PPP1R36: variants seen among roughly 807,000 people sequenced by gnomAD.
PPP1R36 encodes the protein protein phosphatase 1 regulatory subunit 36.
In PPP1R36, 47 loss-of-function variants were observed where a neutral mutation model predicts 53.4. That is an observed-to-expected ratio of 0.88 (90% CI 0.70 to 1.12). The LOEUF (loss-of-function observed/expected upper bound fraction) is 1.12, where lower values mean the gene tolerates loss of function less well. Ranked by LOEUF, PPP1R36 falls within the 50% of genes most tolerant of loss-of-function variation. The pLI, the probability that PPP1R36 is intolerant of heterozygous loss-of-function variation, is 0.00. For missense variants in PPP1R36, 456 were observed against 513.9 expected, an observed-to-expected ratio of 0.89 and a Z score of 1.09; for synonymous variants, 153 against 170.5, an observed-to-expected ratio of 0.90 and a Z score of 0.80.
intron 3 of PPP1R36, among the ~76,000 whole-genome samples, chr14:64,553,249 C>G (rs2080111919): frequency 6.6e-6 from 1 of 152,208 alleles, no homozygotes; most frequent in African/African-American, 2.4e-5. Context: ...GCCACCGCAT[C>G]TGGCTGACAG....
chr14:64,588,395 C>T (rs996090021), intron 11 of PPP1R36, 100 bp downstream of exon 11: 17 of 1,067,966 alleles, frequency 1.6e-5, no homozygotes, highest in African/African-American at 8.0e-5. Context: ...GCCAGGGAAT[C>T]GAGCCATGAT....
chr14:64,567,365 T>A (rs183013937), intron 6 of PPP1R36, among the ~76,000 whole-genome samples: 2,314 of 152,282 alleles, frequency 0.015, 29 homozygotes, highest in South Asian at 0.05. Flanking sequence ...ATAATATTTT[T>A]AAAAAAACCA....
intron 7 of PPP1R36, among the ~76,000 whole-genome samples, chr14:64,574,218 TA>T (rs2080325297): frequency 6.6e-6 from 1 of 151,414 alleles, no homozygotes; most frequent in South Asian, 2.1e-4. Flanking sequence ...CTACACAAAA[TA>T]AAAAAAGATT....
intron 1 of PPP1R36, 33 bp from the exon 2 acceptor site, chr14:64,550,888 A>G (rs767822313): frequency 9.8e-6 from 15 of 1,537,338 alleles, no homozygotes; most frequent in Non-Finnish European, 1.3e-5. Flanking sequence ...TTGAGCTTTT[A>G]ATTATTTTTG....
chr14:64,561,603 A>C (rs1169196277), intron 3 of PPP1R36, among the ~76,000 whole-genome samples: 6 of 152,204 alleles, frequency 3.9e-5, no homozygotes. Context: ...TTAATCTATA[A>C]AATGAAATAA....
intron 9 of PPP1R36, 41 bp downstream of exon 9, chr14:64,586,920 T>C (rs771262077): frequency 6.6e-7 from 1 of 1,519,604 alleles, no homozygotes. Flanking sequence ...TATGAAACAA[T>C]ATATACCAAC....
intron 8 of PPP1R36, among the ~76,000 whole-genome samples, chr14:64,577,718 CTTTT>C (rs10667127): frequency 1.1e-5 from 1 of 94,446 alleles, no homozygotes; most frequent in Non-Finnish European, 1.9e-5. Context: ...GCCATGATTA[CTTTT>C]TTTTTTTTTT....
intron 8 of PPP1R36, chr14:64,586,563 A>C: frequency 3.3e-6 from 1 of 300,760 alleles, no homozygotes; most frequent in Admixed American, 5.0e-5. Context: ...AATTACCAGA[A>C]GCCTTTGGAA....
chr14:64,587,650 C>T (rs367880736), intron 10 of PPP1R36, among the ~76,000 whole-genome samples: 254 of 151,742 alleles, frequency 1.7e-3, no homozygotes, highest in African/African-American at 5.6e-3. Context: ...TTAGTAGAGA[C>T]GGAGTTTCAC....
At chr14:64,585,784 C>T (rs2080427846) in intron 8 of PPP1R36, among the ~76,000 whole-genome samples, 1 of 152,190 alleles carries the variant, frequency 6.6e-6, no homozygotes, top group Admixed American at 6.5e-5. Context: ...CTGGCCTTGG[C>T]CGCTGTGACT....
chr14:64,570,660 A>T (rs1365365970), intron 7 of PPP1R36, among the ~76,000 whole-genome samples: 1 of 152,216 alleles, frequency 6.6e-6, no homozygotes, highest in Non-Finnish European at 1.5e-5. Context: ...GAGCATAGGG[A>T]TAGTAATAGC....
In PPP1R36 at chr14:64,564,755, ACACCTG is replaced by A. The variant is rs1831571079; in HGVS notation, c.190_195del (p.Pro64_Ala65del). The A allele has an allele frequency of 1.2e-6, 2 of 1,607,586 alleles. No individual in the cohort carries two copies. Among genetic ancestry groups the A allele is most frequent in the Non-Finnish European group, 8.5e-7 (1 of 1,177,612 alleles). ...ATTATCTCATTTTTATTGCAGTTTT[ACACCTG>A]CAGCAGAAGTCAAGGAAAAAGGAAA... On this transcript the variant is annotated inframe_deletion, in exon 4 of 12. Coordinates refer to ENST00000298705, the MANE Select transcript of PPP1R36 (RefSeq NM_172365.3).
chr14:64,552,651 A>AT, intron 2 of PPP1R36, 163 bp from the exon 3 acceptor site: 1 of 591,902 alleles, frequency 1.7e-6, no homozygotes, highest in Admixed American at 2.8e-5. Context: ...TTATAGTTAC[A>AT]TTATAAATAT....
At chr14:64,556,713 G>T (rs115730561) in intron 3 of PPP1R36, among the ~76,000 whole-genome samples, 1 of 148,948 alleles carries the variant, frequency 6.7e-6, no homozygotes, top group Admixed American at 6.8e-5. Context: ...TCATGATTGC[G>T]CCACTGTGCT....
intron 8 of PPP1R36, among the ~76,000 whole-genome samples, chr14:64,578,473 G>A (rs2080360771): frequency 6.6e-6 from 1 of 152,140 alleles, no homozygotes; most frequent in African/African-American, 2.4e-5. Flanking sequence ...TATTGTTTTA[G>A]GAGACTTGTT....
At chr14:64,583,508 T>C (rs2080405804) in intron 8 of PPP1R36, among the ~76,000 whole-genome samples, 1 of 152,024 alleles carries the variant, frequency 6.6e-6, no homozygotes, top group Non-Finnish European at 1.5e-5. Context: ...TCAGTTTGCT[T>C]TGGGCATTAA....
At chr14:64,566,200 G>A (rs1268498454) in intron 6 of PPP1R36, among the ~76,000 whole-genome samples, 3 of 152,150 alleles carry the variant, frequency 2.0e-5, no homozygotes, top group Admixed American at 6.5e-5. Flanking sequence ...CCTGGGTGGC[G>A]GAGGTTGCAG....
chr14:64,553,480 G>A (rs1393590596), intron 3 of PPP1R36, among the ~76,000 whole-genome samples: 3 of 152,076 alleles, frequency 2.0e-5, no homozygotes, highest in African/African-American at 4.8e-5. Flanking sequence ...GAATAGCTAC[G>A]TGATGGTATG....
intron 8 of PPP1R36, among the ~76,000 whole-genome samples, chr14:64,581,793 T>A (rs10132794): frequency 0.16 from 24,512 of 152,260 alleles, 2,277 homozygotes; most frequent in East Asian, 0.21. Context: ...CTTTCATGTC[T>A]CTTGAGAAGT....
Sources: gnomAD v4.1 joint callset for allele counts (sites outside exome capture counted in the v4.1 genomes callset) on GRCh38, gnomAD v4.1.1 for gene constraint, MANE v1.5 for transcripts, NCBI Gene and HGNC (gene_info 2026-07-23, HGNC 2026-07-21) for gene names.